Variants in CTU1 observed in about 807,000 individuals in gnomAD.
CTU1 encodes cytoplasmic tRNA 2-thiolation protein 1.
A neutral mutation model predicts 12.9 loss-of-function variants in CTU1; 15 were observed. The observed-to-expected ratio is 1.16, with a 90% CI of 0.78 to 1.79. The LOEUF (loss-of-function observed/expected upper bound fraction) is 1.79. CTU1 is among the 40% of genes most tolerant of loss of function. The pLI is 0.00. For synonymous variants in CTU1, 295 were observed against 275.6 expected (o/e 1.07, Z -0.70); for missense variants, 553 against 550.5 (o/e 1.00, Z -0.05).
chr19:51,098,313 C>G lies in CTU1; in HGVS notation c.*288G>C. 1 of 222,662 alleles carries G rather than the reference C, an allele frequency of 4.5e-6. No homozygotes were observed. The highest frequency in any genetic ancestry group is 8.8e-6 in the Non-Finnish European group (1 of 114,146). The allele number at this position is 222,662 out of a possible 1,614,324, so 13.8% of individuals were successfully genotyped here. On this transcript the variant is annotated 3_prime_UTR_variant, in exon 3 of 3. Coordinates refer to ENST00000421832, the MANE Select transcript of CTU1 (RefSeq NM_145232.4). The surrounding 1 kb of genome is among the most constrained non-coding windows in gnomAD (Gnocchi z 4.3). Reference sequence around the variant, plus strand: ...TTCCTCAGCCACAGATGCCTGGGGTCCCCAGTCCCACTTCTTCTAGGCTTA... The same window carrying G: ...TTCCTCAGCCACAGATGCCTGGGGTGCCCAGTCCCACTTCTTCTAGGCTTA...
At position 51,104,109 on chromosome 19, in the gene CTU1, G is replaced by A; in HGVS notation, c.461C>T (p.Ala154Val). The change falls in exon 2 of 3, where the codon GCG becomes GTG. Residue 154 changes from alanine (A) to valine (V), a missense_variant. Transcript: ENST00000421832. The stretch of plus-strand genomic sequence containing the variant: ...CACGCGGCGCGCCCCTTCCTCCAGC[G>A]CCCGGCGCCGCAGCACTCCACAGAA... ...CTFCGVLRRR[A>V]LEEGARRVGA... The A allele has an allele frequency of 1.4e-6, 2 of 1,477,856 alleles. No homozygotes were observed. Among genetic ancestry groups the A allele is most frequent in the East Asian group, 2.6e-5 (1 of 38,608 alleles). The allele number at this position is 1,477,856 out of a possible 1,614,324, so 91.5% of individuals were successfully genotyped here. A position where few individuals can be genotyped will look rare whatever the true frequency, so the allele number is the denominator to read the frequency against.
rs761940281 is a variant in CTU1, at chr19:51,104,561, G to A, written c.9C>T (p.Ala3=). 1.2e-5 allele frequency: 15 copies of A among 1,252,276 alleles called. No individual in the cohort carries two copies. In the Admixed American group the frequency reaches 1.3e-4, roughly 11 times the overall value. The allele number at this position is 1,252,276 out of a possible 1,614,324, so 77.6% of individuals were successfully genotyped here. A position where few individuals can be genotyped will look rare whatever the true frequency, so the allele number is the denominator to read the frequency against. The change falls in exon 2 of 3, where the codon GCC becomes GCT. Residue 3 remains alanine, a synonymous_variant. Coordinates refer to ENST00000421832, the MANE Select transcript of CTU1 (RefSeq NM_145232.4). MP[A]PPCASCHAAR... ...CAGCATGGCAGGAGGCGCACGGCGG[G>A]GCGGGCATTGCGGGAGGGGTCGGCT...
intron 2 of CTU1, 70 bp from the exon 3 acceptor site, chr19:51,099,209 G>A (rs2091901382): frequency 1.4e-6 from 2 of 1,393,304 alleles, no homozygotes; most frequent in Non-Finnish European, 1.9e-6. Context: ...GCCCCCCGGG[G>A]AACCAAGGGT....
chr19:51,098,556 GC>G lies in CTU1; in HGVS notation c.*44del. On this transcript the variant is annotated 3_prime_UTR_variant, in exon 3 of 3. Transcript: ENST00000421832. This position sits in a 1 kb window ranked among gnomAD's most constrained non-coding sequence, Gnocchi z 4.3. ...TTATTCACAGTGTCATTTACAGGCA[GC>G]CCCCACCCCGCGGCATCAGATCCCG... 8.1e-7 allele frequency: 1 copy of G among 1,236,842 alleles called. No homozygotes were observed. The highest frequency in any genetic ancestry group is 1.0e-6 in the Non-Finnish European group (1 of 985,548). The allele number at this position is 1,236,842 out of a possible 1,614,324, so 76.6% of individuals were successfully genotyped here.
Position 51,097,805 on chromosome 19 carries a change from C to T in CTU1, c.*796G>A, listed in dbSNP as rs2091894089. The T allele has an allele frequency of 6.6e-6, 1 of 152,156 alleles. No homozygotes were observed. Among genetic ancestry groups the T allele is most frequent in the African/African-American group, 2.4e-5 (1 of 41,390 alleles). 9.4% of individuals were successfully genotyped at this position (152,156 alleles called of 1,614,324 possible). Reference sequence around the variant, plus strand: ...CCTCCAGAGTCCAAGGTTTGGGGAACGCATCCAACCCCTCCTCACCCGTGA... The same window carrying T: ...CCTCCAGAGTCCAAGGTTTGGGGAATGCATCCAACCCCTCCTCACCCGTGA... On this transcript the variant is annotated 3_prime_UTR_variant, in exon 3 of 3. Coordinates refer to ENST00000421832, the MANE Select transcript of CTU1 (RefSeq NM_145232.4).
rs759217980 is a variant in CTU1 at position 51,099,042 on chromosome 19, G to T, written c.606C>A (p.Gly202=). The T allele has an allele frequency of 7.3e-6, 11 of 1,510,916 alleles. No individual in the cohort carries two copies. The highest frequency in any genetic ancestry group is 8.8e-6 in the Non-Finnish European group (10 of 1,133,826). 93.6% of individuals were successfully genotyped at this position (1,510,916 alleles called of 1,614,324 possible). ...LARGGGLGSP[G]EGGALPRCRP... is the part of the protein sequence containing the mutation. ...GGCAGCGCGGCAGGGCGCCCCCCTCGCCGGGAGAGCCCAGGCCCCCGCCCC... is the reference window on the plus strand; with the variant it reads ...GGCAGCGCGGCAGGGCGCCCCCCTCTCCGGGAGAGCCCAGGCCCCCGCCCC... Residue 202 remains glycine, a synonymous_variant, in exon 3 of 3, where the codon GGC becomes GGA. Transcript: ENST00000421832.
At chr19:51,100,706 C>T (rs1259485211) in intron 2 of CTU1, among the ~76,000 whole-genome samples, 1 of 152,190 alleles carries the variant, frequency 6.6e-6, no homozygotes, top group Non-Finnish European at 1.5e-5. Context: ...GCCCCAGAGC[C>T]TCCAGGAGAA....
At chr19:51,102,601 T>C (rs750856618) in intron 2 of CTU1, among the ~76,000 whole-genome samples, 23 of 152,346 alleles carry the variant, frequency 1.5e-4, no homozygotes, top group Non-Finnish European at 3.1e-4. Flanking sequence ...CTCCTCGGCT[T>C]TGTCCCTGTC....
rs1210399245 is a variant in CTU1 at position 51,098,869 on chromosome 19, G to A, written c.779C>T (p.Pro260Leu). The change falls in exon 3 of 3, where the codon CCG becomes CTG. Residue 260 changes from proline (P) to leucine (L), a missense_variant. By Grantham distance (98) the Pro-to-Leu change is moderately conservative. Coordinates refer to ENST00000421832, the MANE Select transcript of CTU1 (RefSeq NM_145232.4). This position sits in a 1 kb window ranked among gnomAD's most constrained non-coding sequence, Gnocchi z 4.3. Reference sequence around the variant, plus strand: ...GTGCACGAGGTCCAGCACCGCGGACGGCCGCGCCGCCTCCAGGCGCTTGAG... The same window carrying A: ...GTGCACGAGGTCCAGCACCGCGGACAGCCGCGCCGCCTCCAGGCGCTTGAG... ...DLLKRLEAAR[P>L]SAVLDLVHSA... 3 of 1,419,248 alleles carry A rather than the reference G, an allele frequency of 2.1e-6. No homozygotes were observed. The highest frequency in any genetic ancestry group is 3.3e-5 in the East Asian group (1 of 29,888). 87.9% of individuals were successfully genotyped at this position (1,419,248 alleles called of 1,614,324 possible). A position where few individuals can be genotyped will look rare whatever the true frequency, so the allele number is the denominator to read the frequency against.
chr19:51,106,179 A>G (rs1599808427), intron 1 of CTU1, among the ~76,000 whole-genome samples: 1 of 151,686 alleles, frequency 6.6e-6, no homozygotes, highest in South Asian at 2.1e-4. Flanking sequence ...TGTTTCTCCA[A>G]CCTCCTCTCC....
intron 1 of CTU1, among the ~76,000 whole-genome samples, chr19:51,105,610 A>G (rs2091918863): frequency 6.6e-6 from 1 of 152,192 alleles, no homozygotes; most frequent in Admixed American, 6.5e-5. Flanking sequence ...GAATTATTTT[A>G]TGTGACTATA....
chr19:51,101,173 T>G (rs2091906459), intron 2 of CTU1, among the ~76,000 whole-genome samples: 2 of 152,116 alleles, frequency 1.3e-5, no homozygotes, highest in South Asian at 4.1e-4. Context: ...TGAACTCCTC[T>G]GAGCTCAAGT....
At position 51,104,531 on chromosome 19, in the gene CTU1, G is replaced by C. The variant is rs2091915476; in HGVS notation, c.39C>G (p.Arg13=). 4.7e-6 allele frequency: 6 copies of C among 1,269,256 alleles called. No homozygotes were observed. The highest frequency in any genetic ancestry group is 5.9e-6 in the Non-Finnish European group (6 of 1,009,222). 78.6% of individuals were successfully genotyped at this position (1,269,256 alleles called of 1,614,324 possible). ...APPCASCHAA[R]AALRRPLSGQ... ...CCGAGAGCGGACGGCGGAGGGCGGCGCGTGCAGCATGGCAGGAGGCGCACG... is the reference window on the plus strand; with the variant it reads ...CCGAGAGCGGACGGCGGAGGGCGGCCCGTGCAGCATGGCAGGAGGCGCACG... The change falls in exon 2 of 3, where the codon CGC becomes CGG. Residue 13 remains arginine (R), a synonymous_variant. Transcript: ENST00000421832.
At chr19:51,105,803 TTCTC>T (rs1302076700) in intron 1 of CTU1, among the ~76,000 whole-genome samples, 1 of 152,202 alleles carries the variant, frequency 6.6e-6, no homozygotes, top group African/African-American at 2.4e-5. Context: ...GGACTGCTCT[TTCTC>T]TCACTGCACT....
In CTU1 at chr19:51,098,758, G is replaced by C; in HGVS notation, c.890C>G (p.Ala297Gly). ...CSRCGALASR[A>G]LCQACALLDG... is the part of the protein sequence containing the mutation. Reference sequence around the variant, plus strand: ...CAGGAGCGCGCAGGCCTGGCAGAGCGCGCGGCTGGCCAGCGCCCCACAGCG... The same window carrying C: ...CAGGAGCGCGCAGGCCTGGCAGAGCCCGCGGCTGGCCAGCGCCCCACAGCG... Residue 297 changes from alanine to glycine, a missense_variant, in exon 3 of 3, where the codon GCG (alanine) becomes GGG (glycine). Physicochemically the swap from Ala to Gly is moderately conservative, Grantham distance 60 (BLOSUM62 0). Around this residue, in one of 2 missense-constraint regions of CTU1, gnomAD observed 53 missense variants for 92.0 expected, o/e 0.58. Coordinates refer to ENST00000421832, the MANE Select transcript of CTU1 (RefSeq NM_145232.4). This position sits in a 1 kb window ranked among gnomAD's most constrained non-coding sequence, Gnocchi z 4.3. The C allele has an allele frequency of 2.7e-6, 3 of 1,122,986 alleles. No homozygotes were observed. The highest frequency in any genetic ancestry group is 3.3e-6 in the Non-Finnish European group (3 of 918,098). 69.6% of individuals were successfully genotyped at this position (1,122,986 alleles called of 1,614,324 possible).
chr19:51,104,335 C>T lies in CTU1; in HGVS notation c.235G>A (p.Gly79Ser). 4 of 1,473,928 alleles carry T rather than the reference C, an allele frequency of 2.7e-6. 1 individual carries two copies. The highest frequency in any genetic ancestry group is 3.6e-6 in the Non-Finnish European group (4 of 1,117,288). The allele number at this position is 1,473,928 out of a possible 1,614,324, so 91.3% of individuals were successfully genotyped here. A position where few individuals can be genotyped will look rare whatever the true frequency, so the allele number is the denominator to read the frequency against. ...ACGGCCACGAGCTGCAGTGAGATGCCCAGGCGCGGCGCCAGCGCGCGCAGC... is the reference window on the plus strand; with the variant it reads ...ACGGCCACGAGCTGCAGTGAGATGCTCAGGCGCGGCGCCAGCGCGCGCAGC... ...HVLRALAPRL[G>S]ISLQLVAVDE... Residue 79 changes from glycine to serine, a missense_variant, in exon 2 of 3, where the codon GGC becomes AGC. Coordinates refer to ENST00000421832, the MANE Select transcript of CTU1 (RefSeq NM_145232.4).
At chr19:51,107,181 AG>A (rs1487711176) in intron 1 of CTU1, among the ~76,000 whole-genome samples, 3 of 152,298 alleles carry the variant, frequency 2.0e-5, no homozygotes, top group Admixed American at 2.0e-4. Flanking sequence ...GTGGAATTTT[AG>A]GTTTATTCAG....
chr19:51,107,863 G>T (rs1026255127), intron 1 of CTU1, among the ~76,000 whole-genome samples: 1 of 152,148 alleles, frequency 6.6e-6, no homozygotes, highest in Non-Finnish European at 1.5e-5. Flanking sequence ...CCTCAGAGCT[G>T]CCCTGATCCT....
At position 51,104,224 on chromosome 19, in the gene CTU1, C is replaced by T. The variant is rs1160309953; in HGVS notation, c.346G>A (p.Val116Met). Residue 116 changes from valine to methionine, a missense_variant, in exon 2 of 3, where the codon GTG becomes ATG. Physicochemically the swap from Val to Met is conservative, Grantham distance 21 (BLOSUM62 1). Coordinates refer to ENST00000421832, the MANE Select transcript of CTU1 (RefSeq NM_145232.4). ...AARWELPLTVVAYEDLFGGWT... is the reference protein window; with the variant it reads ...AARWELPLTVMAYEDLFGGWT... ...CCCCCAAAGAGGTCTTCGTAGGCCACGACCGTGAGCGGCAGCTCCCAGCGC... is the reference window on the plus strand; with the variant it reads ...CCCCCAAAGAGGTCTTCGTAGGCCATGACCGTGAGCGGCAGCTCCCAGCGC... The T allele has an allele frequency of 4.0e-6, 6 of 1,515,714 alleles. No individual in the cohort carries two copies. The highest frequency in any genetic ancestry group is 1.4e-5 in the African/African-American group (1 of 69,890). 93.9% of individuals were successfully genotyped at this position (1,515,714 alleles called of 1,614,324 possible).
Sources: gnomAD v4.1 joint callset for allele counts (sites outside exome capture counted in the v4.1 genomes callset) on GRCh38, gnomAD v4.1.1 for gene constraint, gnomAD v4.1.1 regional missense constraint, Gnocchi (gnomAD v3.1) non-coding constraint, MANE v1.5 for transcripts, NCBI Gene and HGNC (gene_info 2026-07-23, HGNC 2026-07-21) for gene names.